Variants in CES2 observed in about 807,000 individuals in gnomAD.
CES2 encodes the protein cocaine esterase.
A neutral mutation model predicts 52.1 loss-of-function variants in CES2; 42 were observed. The ratio of observed to expected loss-of-function variants is 0.81; its 90% CI spans 0.63 to 1.04. The LOEUF (loss-of-function observed/expected upper bound fraction) is 1.04. Among genes scored for constraint, CES2 ranks in the 50% least tolerant of loss-of-function variants. The pLI is 0.00. For missense variants in CES2, 656 were observed against 724.3 expected, an observed-to-expected ratio of 0.91 and a Z score of 1.08; for synonymous variants, 277 against 289.6, an observed-to-expected ratio of 0.96 and a Z score of 0.44.
At position 66,943,241 on chromosome 16, in the gene CES2, C is replaced by T; in HGVS notation, c.1421-58C>T. ...TCTCGGGGGCCAAGGACGAGCTCCA[C>T]CTGGGATGCTGAGGTTGGACATCCT... On this transcript the variant is annotated intron_variant, in intron 10 of 11. Coordinates refer to ENST00000317091, the MANE Select transcript of CES2 (RefSeq NM_001365405.1). This position sits in a 1 kb window ranked among gnomAD's most constrained non-coding sequence, Gnocchi z 4.2. The T allele has an allele frequency of 6.3e-7, 1 of 1,579,524 alleles. No individual in the cohort carries two copies. Among genetic ancestry groups the T allele is most frequent in the Non-Finnish European group, 8.7e-7 (1 of 1,151,614 alleles).
At chr16:66,934,639 G>A (rs1400717042), upstream of CES2, 1 of 493,338 alleles carries the variant, frequency 2.0e-6, no homozygotes, top group African/African-American at 2.0e-5. This position sits in a 1 kb window ranked among gnomAD's most constrained non-coding sequence, Gnocchi z 4.1. Flanking sequence ...GTAGAGGCCA[G>A]AACCAGGTCT....
rs747338817 is a variant in CES2 at position 66,943,096 on chromosome 16, T to C, written c.1421-203T>C. ...AAGGAAGAAGGGGCCTTTGGGGCCA[T>C]GAAGGAGCCCAGGATGGAGTCAGCC... On this transcript the variant is annotated intron_variant, in intron 10 of 11. Transcript: ENST00000317091. This position sits in a 1 kb window ranked among gnomAD's most constrained non-coding sequence, Gnocchi z 4.2. Among the ~76,000 whole-genome samples, 42 of 152,144 alleles carry C rather than the reference T, an allele frequency of 2.8e-4. No individual in the cohort carries two copies. The highest frequency in any genetic ancestry group is 3.9e-4 in the Admixed American group (6 of 15,282).
chr16:66,942,623 G>A (rs759180343), intron 9 of CES2, 25 bp from the exon 10 acceptor site: 48 of 1,612,634 alleles, frequency 3.0e-5, no homozygotes, highest in Middle Eastern at 3.3e-4. Context: ...AGGGGCCACC[G>A]TGTCATGGGC....
chr16:66,943,019 A>G lies in CES2; in HGVS notation c.1420+234A>G, dbSNP rs1963402916. On this transcript the variant is annotated intron_variant, in intron 10 of 11. Coordinates refer to ENST00000317091, the MANE Select transcript of CES2 (RefSeq NM_001365405.1). The surrounding 1 kb of genome is among the most constrained non-coding windows in gnomAD (Gnocchi z 4.2). ...CAGCCATGGGTGTCTGGCCTGGTGC[A>G]GAACAGGTGTTTCAGGGACATGTTT... Among the ~76,000 whole-genome samples the G allele has an allele frequency of 6.6e-6, 1 of 152,224 alleles. No individual in the cohort carries two copies. Among genetic ancestry groups the G allele is most frequent in the Admixed American group, 6.5e-5 (1 of 15,286 alleles).
chr16:66,937,620 A>G (rs1963244921), intron 1 of CES2, among the ~76,000 whole-genome samples: 1 of 152,130 alleles, frequency 6.6e-6, no homozygotes, highest in East Asian at 1.9e-4. Context: ...TTTCACCAAC[A>G]TCACTCATGG....
chr16:66,941,492 A>T lies in CES2; in HGVS notation c.916-14A>T. ...GGACCTGACCTTGTTCCCTGACCTT[A>T]CATTTCCCCTCAGCCTTTCAAGATG... On this transcript the variant is annotated splice_polypyrimidine_tract_variant and intron_variant, in intron 6 of 11. Coordinates refer to ENST00000317091, the MANE Select transcript of CES2 (RefSeq NM_001365405.1). 1 of 1,613,524 alleles carries T rather than the reference A, an allele frequency of 6.2e-7. No individual in the cohort carries two copies. The highest frequency in any genetic ancestry group is 8.5e-7 in the Non-Finnish European group (1 of 1,179,712).
At chr16:66,940,987 A>C in intron 5 of CES2, 137 bp from the exon 6 acceptor site, 1 of 1,270,646 alleles carries the variant, frequency 7.9e-7, no homozygotes. Flanking sequence ...TCTGAGTTGG[A>C]ACAGTGTCAG....
At chr16:66,936,769 C>A (rs1231694456) in intron 1 of CES2, among the ~76,000 whole-genome samples, 1 of 152,096 alleles carries the variant, frequency 6.6e-6, no homozygotes, top group African/African-American at 2.4e-5. Context: ...AGTCCATACT[C>A]CCCCCGCCCC....
chr16:66,942,571 G>T, intron 9 of CES2, 77 bp from the exon 10 acceptor site: 1 of 1,537,236 alleles, frequency 6.5e-7, no homozygotes, highest in South Asian at 1.2e-5. Context: ...TTTGGACCTA[G>T]GTATCTTATC....
intron 8 of CES2, 64 bp from the exon 9 acceptor site, chr16:66,942,041 G>A: frequency 3.2e-6 from 5 of 1,561,682 alleles, no homozygotes; most frequent in Non-Finnish European, 4.4e-6. Flanking sequence ...CCAAGCCCGA[G>A]ACCACCTCCT....
Position 66,943,725 on chromosome 16 carries a change from A to T in CES2, c.1494-114A>T. On this transcript the variant is annotated intron_variant, in intron 11 of 11. Coordinates refer to ENST00000317091, the MANE Select transcript of CES2 (RefSeq NM_001365405.1). This position sits in a 1 kb window ranked among gnomAD's most constrained non-coding sequence, Gnocchi z 4.2. ...TGGAAGCCTCCCCACTCATTCCCCA[A>T]GCCCACCTGGCCTGCTTGGCTGCCT... The T allele has an allele frequency of 1.2e-6, 1 of 818,770 alleles. No homozygotes were observed. The allele number at this position is 818,770 out of a possible 1,614,324, so 50.7% of individuals were successfully genotyped here. A position where few individuals can be genotyped will look rare whatever the true frequency, so the allele number is the denominator to read the frequency against.
At chr16:66,940,766 A>C in intron 5 of CES2, 71 bp downstream of exon 5, 1 of 1,547,310 alleles carries the variant, frequency 6.5e-7, no homozygotes. Context: ...TCTGTCTGTT[A>C]AACGGGGATG....
At chr16:66,935,841 C>T (rs757073211) in intron 1 of CES2, 130 bp downstream of exon 1, 11 of 1,555,668 alleles carry the variant, frequency 7.1e-6, no homozygotes, top group Non-Finnish European at 8.6e-6. Flanking sequence ...GCGTGGAACT[C>T]GTGAGCCCCA....
At position 66,941,776 on chromosome 16, in the gene CES2, G is replaced by A. The variant is rs1963371660; in HGVS notation, c.1065G>A (p.Arg355=). ...EFGWLIPKVM[R]IYDTQKEMDR... The stretch of plus-strand genomic sequence containing the variant: ...CTCTCCTGGCCATCCAGGTCATGAG[G>A]ATCTATGATACCCAGAAGGAAATGG... The change falls in exon 8 of 12, where the codon AGG becomes AGA. Residue 355 remains arginine, a synonymous_variant. Coordinates refer to ENST00000317091, the MANE Select transcript of CES2 (RefSeq NM_001365405.1). The A allele has an allele frequency of 4.3e-6, 7 of 1,614,144 alleles. No homozygotes were observed. Among genetic ancestry groups the A allele is most frequent in the African/African-American group, 2.7e-5 (2 of 75,032 alleles).
In CES2 at chr16:66,935,607, G is replaced by C; in HGVS notation, c.-29G>C. 2 of 1,609,930 alleles carry C rather than the reference G, an allele frequency of 1.2e-6. No individual in the cohort carries two copies. Among genetic ancestry groups the C allele is most frequent in the Non-Finnish European group, 1.7e-6 (2 of 1,179,972 alleles). ...CTGGGTGAACAGCAGCGTGTCCGCC[G>C]GCAGCGAACCGAGACCAGCGAGCCG... On this transcript the variant is annotated 5_prime_UTR_variant, in exon 1 of 12. Coordinates refer to ENST00000317091, the MANE Select transcript of CES2 (RefSeq NM_001365405.1).
rs924125253 is a variant in CES2 at position 66,943,615 on chromosome 16, G to C, written c.1494-224G>C. Reference sequence around the variant, plus strand: ...TGCCACCGTCAGGGCCTCCCTCTCAGAGAGAGGGACACAACAGAGCTGGCT... The same window carrying C: ...TGCCACCGTCAGGGCCTCCCTCTCACAGAGAGGGACACAACAGAGCTGGCT... On this transcript the variant is annotated intron_variant, in intron 11 of 11. Coordinates refer to ENST00000317091, the MANE Select transcript of CES2 (RefSeq NM_001365405.1). The surrounding 1 kb of genome is among the most constrained non-coding windows in gnomAD (Gnocchi z 4.2). 2 of 584,934 alleles carry C rather than the reference G, an allele frequency of 3.4e-6. No individual in the cohort carries two copies. Among genetic ancestry groups the C allele is most frequent in the Non-Finnish European group, 6.0e-6 (2 of 331,350 alleles). The allele number at this position is 584,934 out of a possible 1,614,324, so 36.2% of individuals were successfully genotyped here.
chr16:66,936,769 C>G (rs1231694456), intron 1 of CES2, among the ~76,000 whole-genome samples: 2 of 152,096 alleles, frequency 1.3e-5, no homozygotes, highest in Non-Finnish European at 2.9e-5. Context: ...AGTCCATACT[C>G]CCCCCGCCCC....
At position 66,941,758 on chromosome 16, in the gene CES2, G is replaced by A; in HGVS notation, c.1057-10G>A. ...CATCCCCAGCTACAGACTCTCTCCTGGCCATCCAGGTCATGAGGATCTATG... is the reference window on the plus strand; with the variant it reads ...CATCCCCAGCTACAGACTCTCTCCTAGCCATCCAGGTCATGAGGATCTATG... On this transcript the variant is annotated splice_polypyrimidine_tract_variant and intron_variant, in intron 7 of 11. Transcript: ENST00000317091. The A allele has an allele frequency of 6.2e-7, 1 of 1,614,106 alleles. No individual in the cohort carries two copies. The highest frequency in any genetic ancestry group is 1.1e-5 in the South Asian group (1 of 91,088).
intron 1 of CES2, chr16:66,935,994 G>A (rs1245000090): frequency 1.5e-6 from 2 of 1,376,938 alleles, no homozygotes; most frequent in African/African-American, 2.9e-5. Flanking sequence ...GCCTGGGGTC[G>A]GAGTGGGTGA....
Sources: gnomAD v4.1 joint callset for allele counts (sites outside exome capture counted in the v4.1 genomes callset) on GRCh38, gnomAD v4.1.1 for gene constraint, Gnocchi (gnomAD v3.1) non-coding constraint, MANE v1.5 for transcripts, NCBI Gene and HGNC (gene_info 2026-07-23, HGNC 2026-07-21) for gene names.